The following HIVEP2 variants were observed in gnomAD, a reference collection of about 807,000 sequenced individuals.
The protein encoded by HIVEP2 is transcription factor HIVEP2.
HIVEP2 carries 14 observed loss-of-function variants against 180.7 expected under a neutral mutation model. The ratio of observed to expected loss-of-function variants is 0.08; its 90% confidence interval spans 0.05 to 0.12. HIVEP2 has a LOEUF of 0.12. HIVEP2 is among the 10% of genes least tolerant of loss of function. The pLI is 1.00. For synonymous variants in HIVEP2, 1,184 were observed against 1,136.4 expected, an observed-to-expected ratio of 1.04 and a Z score of -0.84; for missense variants, 2,579 against 3,008.5, an observed-to-expected ratio of 0.86 and a Z score of 3.34.
intron 3 of HIVEP2, among the ~76,000 whole-genome samples, chr6:142,783,125 C>T (rs12214842): frequency 5.1e-4 from 77 of 151,902 alleles, no homozygotes; most frequent in African/African-American, 1.8e-3. Flanking sequence ...GTCAAGAGAT[C>T]GAGACCATCC....
At chr6:142,898,410 C>A (rs1205410407) in intron 1 of HIVEP2, among the ~76,000 whole-genome samples, 1 of 152,108 alleles carries the variant, frequency 6.6e-6, no homozygotes, top group Non-Finnish European at 1.5e-5. Context: ...ACCTGTAATC[C>A]CAACATTTTG....
intron 2 of HIVEP2, among the ~76,000 whole-genome samples, chr6:142,784,344 A>G (rs1161080560): frequency 1.3e-5 from 2 of 152,216 alleles, no homozygotes; most frequent in East Asian, 3.8e-4. Context: ...AAGTTATTAC[A>G]AAACTCCCAT....
intron 1 of HIVEP2, among the ~76,000 whole-genome samples, chr6:142,936,548 A>G (rs929557889): frequency 6.6e-6 from 1 of 152,188 alleles, no homozygotes; most frequent in Non-Finnish European, 1.5e-5. Context: ...AACCATAAAA[A>G]TGAATTTTTA....
intron 2 of HIVEP2, among the ~76,000 whole-genome samples, chr6:142,801,666 T>C (rs894740756): frequency 6.6e-6 from 1 of 152,086 alleles, no homozygotes; most frequent in Non-Finnish European, 1.5e-5. Flanking sequence ...ATCTATAAAA[T>C]GGACACAATA....
intron 1 of HIVEP2, among the ~76,000 whole-genome samples, chr6:142,904,005 T>C (rs556638267): frequency 6.6e-6 from 1 of 152,114 alleles, no homozygotes; most frequent in Non-Finnish European, 1.5e-5. Context: ...AACACAGCTA[T>C]GCACTGAGGA....
intron 1 of HIVEP2, among the ~76,000 whole-genome samples, chr6:142,840,787 A>C: frequency 6.6e-6 from 1 of 152,134 alleles, no homozygotes. Flanking sequence ...AAAGGCAAAA[A>C]TATGTTTATA....
intron 2 of HIVEP2, among the ~76,000 whole-genome samples, chr6:142,832,221 CA>C (rs1229297071): frequency 1.4e-5 from 2 of 147,458 alleles, no homozygotes; most frequent in African/African-American, 5.0e-5. Flanking sequence ...AAACAAAAAA[CA>C]AAAACAAACA....
At chr6:142,789,230 T>C (rs1343087326) in intron 2 of HIVEP2, among the ~76,000 whole-genome samples, 2 of 152,244 alleles carry the variant, frequency 1.3e-5, no homozygotes, top group African/African-American at 4.8e-5. Flanking sequence ...CTACTAACCA[T>C]AATTTAATCT....
intron 1 of HIVEP2, among the ~76,000 whole-genome samples, chr6:142,887,539 C>T (rs1776732486): frequency 6.6e-6 from 1 of 152,116 alleles, no homozygotes; most frequent in Non-Finnish European, 1.5e-5. Context: ...GACACTATTC[C>T]AAATTGCACT....
At chr6:142,838,226 G>A (rs1224148059) in intron 1 of HIVEP2, among the ~76,000 whole-genome samples, 1 of 152,044 alleles carries the variant, frequency 6.6e-6, no homozygotes, top group East Asian at 1.9e-4. Context: ...ATGTAGTCAT[G>A]GGAAATATGT....
intron 1 of HIVEP2, among the ~76,000 whole-genome samples, chr6:142,878,568 G>A (rs1263427657): frequency 1.3e-5 from 2 of 152,128 alleles, no homozygotes; most frequent in Admixed American, 1.3e-4. Context: ...TGAAGTCAGT[G>A]GCAACCGTCT....
At chr6:142,830,841 C>T (rs1775057613) in intron 2 of HIVEP2, among the ~76,000 whole-genome samples, 1 of 152,108 alleles carries the variant, frequency 6.6e-6, no homozygotes, top group East Asian at 1.9e-4. Context: ...CTGCTACCCA[C>T]CCCCAGAATG....
rs111410119 is a variant in HIVEP2, at chr6:142,786,867, A to G, written c.-527-3252T>C. ...TTGGCAGAACTCTCAAGTACCTCCC[A>G]TCACCCTTGTTTTTTCTGAGGTTAA... On this transcript the variant is annotated intron_variant, in intron 2 of 9. Coordinates refer to ENST00000367603, the MANE Select transcript of HIVEP2 (RefSeq NM_006734.4). Among the ~76,000 whole-genome samples, 59 of 152,308 alleles carry G rather than the reference A, an allele frequency of 3.9e-4. No homozygotes were observed. The Middle Eastern group carries it at 0.01, about 26-fold the overall frequency.
At chr6:142,942,317 T>G (rs1778199201) in intron 1 of HIVEP2, among the ~76,000 whole-genome samples, 1 of 151,794 alleles carries the variant, frequency 6.6e-6, no homozygotes, top group Non-Finnish European at 1.5e-5. Context: ...AATGGCAAAT[T>G]CTGGAATAAG....
chr6:142,785,332 A>T (rs1329510664), intron 2 of HIVEP2, among the ~76,000 whole-genome samples: 2 of 148,676 alleles, frequency 1.3e-5, no homozygotes, highest in African/African-American at 4.9e-5. Flanking sequence ...AAAAAAAAAA[A>T]AAAAAAAAAA....
At chr6:142,820,527 T>G (rs1053795240) in intron 2 of HIVEP2, among the ~76,000 whole-genome samples, 4 of 152,248 alleles carry the variant, frequency 2.6e-5, no homozygotes, top group Non-Finnish European at 5.9e-5. Flanking sequence ...GGTTGCTTCC[T>G]GCTGATTACT....
At chr6:142,791,409 T>C (rs1776135356) in intron 2 of HIVEP2, among the ~76,000 whole-genome samples, 1 of 152,210 alleles carries the variant, frequency 6.6e-6, no homozygotes, top group South Asian at 2.1e-4. Context: ...TAACCTGTGC[T>C]ACATGGTTAT....
intron 2 of HIVEP2, among the ~76,000 whole-genome samples, chr6:142,827,387 A>T (rs777921528): frequency 2.5e-4 from 38 of 152,232 alleles, no homozygotes; most frequent in Non-Finnish European, 4.8e-4. Flanking sequence ...TCCTGCTAGC[A>T]TATTGCACCC....
chr6:142,809,469 C>T (rs2114788160), intron 2 of HIVEP2, among the ~76,000 whole-genome samples: 1 of 152,312 alleles, frequency 6.6e-6, no homozygotes, highest in East Asian at 1.9e-4. Flanking sequence ...TGGCTTTGCT[C>T]ATCTCTGTGA....
Sources: allele counts gnomAD v4.1 joint callset (sites outside exome capture counted in the v4.1 genomes callset), GRCh38; gene constraint gnomAD v4.1.1; transcripts MANE v1.5; gene names NCBI Gene and HGNC (gene_info 2026-07-23, HGNC 2026-07-21).